The following MAN2A1 variants were observed in gnomAD, a reference collection of about 807,000 sequenced individuals.
MAN2A1 encodes the protein alpha-mannosidase 2.
Under a neutral mutation model 142.6 loss-of-function variants are expected in MAN2A1, and 76 were observed. That is an observed-to-expected ratio of 0.53 (90% CI 0.44 to 0.65). MAN2A1 has a LOEUF of 0.65. Ranked by LOEUF, MAN2A1 falls within the 30% of genes least tolerant of loss-of-function variation. MAN2A1 has a pLI of 0.00. For synonymous variants in MAN2A1, 559 were observed against 473.2 expected (o/e 1.18, Z -2.35); for missense variants, 1,311 against 1,365.1 (o/e 0.96, Z 0.62).
At chr5:109,804,811 G>A (rs959458162) in intron 12 of MAN2A1, among the ~76,000 whole-genome samples, 4 of 152,160 alleles carry the variant, frequency 2.6e-5, no homozygotes, top group Non-Finnish European at 5.9e-5. Context: ...GATATAGACA[G>A]TGAATACAAA....
At chr5:109,729,544 A>G in intron 4 of MAN2A1, 31 bp downstream of exon 4, 3 of 1,252,058 alleles carry the variant, frequency 2.4e-6, no homozygotes, top group Admixed American at 2.7e-5. Flanking sequence ...GGAATTTGGT[A>G]ATATTAAAGC....
chr5:109,807,452 G>C (rs1754196197), intron 12 of MAN2A1, among the ~76,000 whole-genome samples: 6 of 152,126 alleles, frequency 3.9e-5, no homozygotes, highest in African/African-American at 2.4e-5. Context: ...CATTTTCACT[G>C]GATTAACAAA....
intron 16 of MAN2A1, among the ~76,000 whole-genome samples, chr5:109,829,929 T>C (rs1754861834): frequency 6.6e-6 from 1 of 152,242 alleles, no homozygotes. Flanking sequence ...TGTAAAGTGC[T>C]GATTTTCTTG....
chr5:109,690,991 G>C (rs75028887), intron 1 of MAN2A1, among the ~76,000 whole-genome samples: 8,894 of 152,254 alleles, frequency 0.058, 290 homozygotes, highest in Non-Finnish European at 0.076. Flanking sequence ...CGCGGAAATG[G>C]ATCAAACCGA....
At chr5:109,822,031 TA>T (rs1030187315) in intron 15 of MAN2A1, among the ~76,000 whole-genome samples, 1 of 152,070 alleles carries the variant, frequency 6.6e-6, no homozygotes, top group African/African-American at 2.4e-5. Flanking sequence ...CTGAAAAAGT[TA>T]CTTTTGTTCC....
At chr5:109,770,323 A>G in intron 6 of MAN2A1, 32 bp from the exon 7 acceptor site, 1 of 1,585,034 alleles carries the variant, frequency 6.3e-7, no homozygotes, top group Non-Finnish European at 8.6e-7. Flanking sequence ...GATTTTATAA[A>G]TGCAGGTTTG....
At chr5:109,840,362 G>A in intron 16 of MAN2A1, 1 of 369,158 alleles carries the variant, frequency 2.7e-6, no homozygotes, top group Non-Finnish European at 5.4e-6. Context: ...GAGTATTTCT[G>A]TGACTTTTAG....
chr5:109,718,315 T>C (rs912808365), intron 3 of MAN2A1, among the ~76,000 whole-genome samples: 2 of 152,236 alleles, frequency 1.3e-5, no homozygotes, highest in African/African-American at 2.4e-5. Context: ...CTTTTAATTC[T>C]CACCAATCTC....
At chr5:109,861,753 C>T (rs1755766046) in intron 20 of MAN2A1, among the ~76,000 whole-genome samples, 1 of 152,092 alleles carries the variant, frequency 6.6e-6, no homozygotes. Context: ...CTTATACTGT[C>T]TTGCATGGGA....
intron 8 of MAN2A1, among the ~76,000 whole-genome samples, chr5:109,776,445 G>A (rs1285176564): frequency 6.6e-6 from 1 of 151,952 alleles, no homozygotes; most frequent in East Asian, 1.9e-4. Context: ...ATCAGAGGAA[G>A]GGATATATAT....
At chr5:109,807,763 A>G (rs370474085) in intron 12 of MAN2A1, among the ~76,000 whole-genome samples, 331 of 152,270 alleles carry the variant, frequency 2.2e-3, no homozygotes, top group Non-Finnish European at 3.9e-3. Context: ...AGGTTATGGA[A>G]TTAGGACATG....
At chr5:109,840,587 A>G (rs1478010119) in intron 16 of MAN2A1, 2 of 500,798 alleles carry the variant, frequency 4.0e-6, no homozygotes, top group Non-Finnish European at 7.9e-6. Context: ...CCTTAACAAC[A>G]GGGCCATCTT....
rs372123875 is a variant in MAN2A1 at position 109,781,588 on chromosome 5, T to C, written c.1567T>C (p.Ser523Pro). The change falls in exon 9 of 22, where the codon TCT becomes CCT. Residue 523 changes from serine to proline, a missense_variant. Coordinates refer to ENST00000261483, the MANE Select transcript of MAN2A1 (RefSeq NM_002372.4). ...CAAACGAATGGACAGAATCATGGAA[T>C]CTCATTTAAGGTACTTTTACCTTTC... ...FYKRMDRIME[S>P]HLRAAEILYY... 39 of 1,596,482 alleles carry C rather than the reference T, an allele frequency of 2.4e-5. No individual in the cohort carries two copies. The highest frequency in any genetic ancestry group is 2.9e-5 in the Non-Finnish European group (34 of 1,174,478).
intron 7 of MAN2A1, among the ~76,000 whole-genome samples, chr5:109,773,140 T>A (rs969010172): frequency 5.9e-5 from 9 of 152,208 alleles, no homozygotes; most frequent in Admixed American, 3.3e-4. Context: ...TCCATATATT[T>A]ACCATATTAC....
chr5:109,789,610 T>C, intron 12 of MAN2A1, 83 bp downstream of exon 12: 1 of 894,750 alleles, frequency 1.1e-6, no homozygotes, highest in Non-Finnish European at 1.7e-6. Context: ...TTAGTTAGCG[T>C]ATATTTTGAG....
At chr5:109,693,072 CT>C (rs1167302769) in intron 1 of MAN2A1, among the ~76,000 whole-genome samples, 1 of 152,106 alleles carries the variant, frequency 6.6e-6, no homozygotes, top group Non-Finnish European at 1.5e-5. Flanking sequence ...TGGTTGCCCC[CT>C]GTATAGAGCA....
intron 4 of MAN2A1, among the ~76,000 whole-genome samples, chr5:109,747,388 C>T (rs1338233414): frequency 6.6e-6 from 1 of 152,046 alleles, no homozygotes; most frequent in African/African-American, 2.4e-5. Context: ...ACATTATAAA[C>T]ATTTATGAAT....
chr5:109,841,596 A>G (rs923011603), intron 16 of MAN2A1, among the ~76,000 whole-genome samples: 2 of 152,188 alleles, frequency 1.3e-5, no homozygotes, highest in Admixed American at 1.3e-4. Context: ...AAGTAGAATG[A>G]CAGAAACTAG....
chr5:109,767,544 C>T lies in MAN2A1; in HGVS notation c.845C>T (p.Pro282Leu). The change falls in exon 6 of 22, where the codon CCT becomes CTT. Residue 282 changes from proline to leucine, a missense_variant. By Grantham distance (98) the Pro-to-Leu change is moderately conservative (BLOSUM62 -3). This residue lies in a region of MAN2A1 where 409 missense variants were observed against 412.7 expected (regional missense o/e 0.99). Transcript: ENST00000261483. ...TCATCTTTATCCACAGGAGTGAAAC[C>T]TCGGTCCGGCTGGGCTATTGATCCC... ...QWLENNIGVK[P>L]RSGWAIDPFG... 1 of 1,611,382 alleles carries T rather than the reference C, an allele frequency of 6.2e-7. No homozygotes were observed. The highest frequency in any genetic ancestry group is 1.1e-5 in the South Asian group (1 of 90,480).
Sources: gnomAD v4.1 joint callset for allele counts (sites outside exome capture counted in the v4.1 genomes callset) on GRCh38, gnomAD v4.1.1 for gene constraint, gnomAD v4.1.1 regional missense constraint, MANE v1.5 for transcripts, NCBI Gene and HGNC (gene_info 2026-07-23, HGNC 2026-07-21) for gene names.